The following ATP6V1B1 variants were observed in gnomAD, a reference collection of about 807,000 sequenced individuals.
ATP6V1B1 encodes V-type proton ATPase subunit B, kidney isoform.
ATP6V1B1 carries 41 observed loss-of-function variants against 62.1 expected under a neutral mutation model. That is an observed-to-expected ratio of 0.66 (90% CI 0.51 to 0.86). The LOEUF (loss-of-function observed/expected upper bound fraction) is 0.86. Ranked by LOEUF, ATP6V1B1 falls within the 40% of genes least tolerant of loss-of-function variation. The probability of loss-of-function intolerance (pLI) is 0.00; values close to 1 mark genes in which losing one functional copy is unlikely to be tolerated. For missense variants in ATP6V1B1, 651 were observed against 697.5 expected (o/e 0.93, Z 0.75); for synonymous variants, 253 against 273.4 (o/e 0.93, Z 0.74).
In ATP6V1B1 at chr2:70,964,443, C is replaced by T. The variant is rs782522530; in HGVS notation, c.1149C>T (p.Tyr383=). 2.5e-6 allele frequency: 4 copies of T among 1,613,338 alleles called. No individual in the cohort carries two copies. Among genetic ancestry groups the T allele is most frequent in the East Asian group, 4.5e-5 (2 of 44,856 alleles). Residue 383 remains tyrosine, a synonymous_variant, in exon 12 of 14, where the codon TAC becomes TAT. Coordinates refer to ENST00000234396, the MANE Select transcript of ATP6V1B1 (RefSeq NM_001692.4). ...CCCTTTTTCTTCTCCCTCAGATCTACCCCCCCATCAACGTGCTCCCTTCCC... is the reference window on the plus strand; with the variant it reads ...CCCTTTTTCTTCTCCCTCAGATCTATCCCCCCATCAACGTGCTCCCTTCCC... ...VDRQLHNRQI[Y]PPINVLPSLS...
intron 4 of ATP6V1B1, among the ~76,000 whole-genome samples, 176 bp from the exon 5 acceptor site, chr2:70,958,842 C>T (rs1050961605): frequency 2.0e-5 from 3 of 152,138 alleles, no homozygotes; most frequent in African/African-American, 7.2e-5. Context: ...AAGGAAGACT[C>T]TCACAGGACA....
rs1679843325 is a variant in ATP6V1B1 at position 70,936,061 on chromosome 2, A to AC, written c.112dup (p.Arg38ProfsTer45). The AC allele has an allele frequency of 6.2e-7, 1 of 1,610,394 alleles. No homozygotes were observed. Among genetic ancestry groups the AC allele is most frequent in the South Asian group, 1.1e-5 (1 of 90,956 alleles). On this transcript the variant is annotated frameshift_variant, in exon 1 of 14. Coordinates refer to ENST00000234396, the MANE Select transcript of ATP6V1B1 (RefSeq NM_001692.4). LOFTEE classifies it high-confidence loss of function. ...GCGGTCACCCGAAACTACATCACCC[A>AC]CCCCCGTGTCAGTGAGTAGCCCCTC...
At chr2:70,958,021 C>T (rs781860654) in intron 2 of ATP6V1B1, 25 bp from the exon 3 acceptor site, 32 of 1,604,030 alleles carry the variant, frequency 2.0e-5, no homozygotes, top group Non-Finnish European at 2.5e-5. Flanking sequence ...CTCACTGTCA[C>T]GTGGCTGCTC....
chr2:70,959,930 C>T lies in ATP6V1B1; in HGVS notation c.446-9C>T, dbSNP rs2104827479. On this transcript the variant is annotated splice_polypyrimidine_tract_variant and intron_variant, in intron 5 of 13. Coordinates refer to ENST00000234396, the MANE Select transcript of ATP6V1B1 (RefSeq NM_001692.4). This position sits in a 1 kb window ranked among gnomAD's most constrained non-coding sequence, Gnocchi z 4.2. ...CCCTGAGCATGGCTCTGTGATCGCC[C>T]TCTCCCAGGCCAGCCCATCAACCCG... 6.2e-7 allele frequency: 1 copy of T among 1,614,138 alleles called. No homozygotes were observed. The highest frequency in any genetic ancestry group is 8.5e-7 in the Non-Finnish European group (1 of 1,180,028).
At chr2:70,958,939 T>C (rs1553419540) in intron 4 of ATP6V1B1, 79 bp from the exon 5 acceptor site, 4 of 1,386,584 alleles carry the variant, frequency 2.9e-6, no homozygotes, top group South Asian at 1.2e-5. Context: ...TGGGAGCTGG[T>C]GGTGGTGTGG....
rs183397892 is a variant in ATP6V1B1 at position 70,950,615 on chromosome 2, G to A, written c.174+6902G>A. Among the ~76,000 whole-genome samples, 380 of 151,954 alleles carry A rather than the reference G, an allele frequency of 2.5e-3. 4 individuals are homozygous for A. The highest frequency in any genetic ancestry group is 8.5e-3 in the African/African-American group (351 of 41,472). Reference sequence around the variant, plus strand: ...TACTACTAAAATAGAAAAAAAAGGAGGGGGGGAATGATTTTTAAATATTTA... The same window carrying A: ...TACTACTAAAATAGAAAAAAAAGGAAGGGGGGAATGATTTTTAAATATTTA... On this transcript the variant is annotated intron_variant, in intron 2 of 13. Coordinates refer to ENST00000234396, the MANE Select transcript of ATP6V1B1 (RefSeq NM_001692.4).
At chr2:70,940,575 T>C in intron 1 of ATP6V1B1, 3 of 985,450 alleles carry the variant, frequency 3.0e-6, no homozygotes, top group Non-Finnish European at 3.6e-6. Flanking sequence ...GTTTGGAGTT[T>C]TTTTTAATTG....
At chr2:70,946,561 A>G (rs2239486) in intron 2 of ATP6V1B1, among the ~76,000 whole-genome samples, 27,625 of 152,206 alleles carry the variant, frequency 0.18, 3,011 homozygotes, top group East Asian at 0.48. Flanking sequence ...GAGAACCATC[A>G]ATCTCGGATT....
intron 2 of ATP6V1B1, among the ~76,000 whole-genome samples, chr2:70,952,323 C>G (rs184999967): frequency 6.6e-6 from 1 of 151,870 alleles, no homozygotes. Context: ...ATCAGCCGGG[C>G]GTGATGGCGC....
chr2:70,936,446 C>CAA (rs1679855041), intron 1 of ATP6V1B1, among the ~76,000 whole-genome samples: 1 of 151,992 alleles, frequency 6.6e-6, no homozygotes, highest in Non-Finnish European at 1.5e-5. Context: ...CCCAAGCACT[C>CAA]AGAGTCAGGC....
At chr2:70,946,004 C>T (rs1553417281) in intron 2 of ATP6V1B1, among the ~76,000 whole-genome samples, 1 of 151,876 alleles carries the variant, frequency 6.6e-6, no homozygotes, top group African/African-American at 2.4e-5. Flanking sequence ...CCTACCCTTC[C>T]CCACACACAC....
Position 70,959,177 on chromosome 2 carries a change from AAGC to A in ATP6V1B1, c.445+85_445+87del. The A allele has an allele frequency of 6.8e-7, 1 of 1,472,012 alleles. No individual in the cohort carries two copies. 91.2% of individuals were successfully genotyped at this position (1,472,012 alleles called of 1,614,324 possible). A position where few individuals can be genotyped will look rare whatever the true frequency, so the allele number is the denominator to read the frequency against. On this transcript the variant is annotated intron_variant, in intron 5 of 13. Coordinates refer to ENST00000234396, the MANE Select transcript of ATP6V1B1 (RefSeq NM_001692.4). This position sits in a 1 kb window ranked among gnomAD's most constrained non-coding sequence, Gnocchi z 4.2. ...TCTTGGAAGTTCTGCCCAGACTCAC[AAGC>A]AGATCAGATGTGATGGGAGAGCAGC...
rs782276290 is a variant in ATP6V1B1, at chr2:70,958,154, G to C, written c.273+10G>C. ...CAAGGCGATTGTTCAGGTGAGTGGG[G>C]TCAATGGGACATTGGCTAGTTAAAT... On this transcript the variant is annotated intron_variant, in intron 3 of 13. Coordinates refer to ENST00000234396, the MANE Select transcript of ATP6V1B1 (RefSeq NM_001692.4). 1.9e-6 allele frequency: 3 copies of C among 1,613,366 alleles called. No homozygotes were observed. The highest frequency in any genetic ancestry group is 2.5e-6 in the Non-Finnish European group (3 of 1,179,680).
rs782351237 is a variant in ATP6V1B1 at position 70,935,908 on chromosome 2, C to CACCA, written c.-46_-43dup. 1 of 1,536,196 alleles carries CACCA rather than the reference C, an allele frequency of 6.5e-7. No homozygotes were observed. Among genetic ancestry groups the CACCA allele is most frequent in the Non-Finnish European group, 9.0e-7 (1 of 1,117,292 alleles). On this transcript the variant is annotated 5_prime_UTR_variant, in exon 1 of 14. Coordinates refer to ENST00000234396, the MANE Select transcript of ATP6V1B1 (RefSeq NM_001692.4). ...GCTGGACCTGAAGTCTCAGAGCTGC[C>CACCA]ACCAGCAGCAGGCTCAGACACTGGG...
chr2:70,953,635 C>T (rs1458122981), intron 2 of ATP6V1B1, among the ~76,000 whole-genome samples: 1 of 152,116 alleles, frequency 6.6e-6, no homozygotes, highest in Non-Finnish European at 1.5e-5. Context: ...AGGATTTGTG[C>T]ATCCATGTTC....
rs1680630869 is a variant in ATP6V1B1, at chr2:70,963,149, A to G, written c.910-13A>G. 3 of 1,613,056 alleles carry G rather than the reference A, an allele frequency of 1.9e-6. No homozygotes were observed. The highest frequency in any genetic ancestry group is 1.7e-6 in the Non-Finnish European group (2 of 1,179,744). On this transcript the variant is annotated splice_polypyrimidine_tract_variant and intron_variant, in intron 9 of 13. Coordinates refer to ENST00000234396, the MANE Select transcript of ATP6V1B1 (RefSeq NM_001692.4). This position sits in a 1 kb window ranked among gnomAD's most constrained non-coding sequence, Gnocchi z 4.3. Reference sequence around the variant, plus strand: ...CATCCCCTTTCTTACCCCAGTGCCCATGGATATTGCAGGTCTCTGCTGCTA... The same window carrying G: ...CATCCCCTTTCTTACCCCAGTGCCCGTGGATATTGCAGGTCTCTGCTGCTA...
intron 4 of ATP6V1B1, 27 bp downstream of exon 4, chr2:70,958,453 G>C: frequency 6.3e-7 from 1 of 1,596,008 alleles, no homozygotes; most frequent in Non-Finnish European, 8.6e-7. Context: ...GGCAGGGGTG[G>C]GGGTGCTCCT....
chr2:70,955,646 C>A (rs557065518), intron 2 of ATP6V1B1, among the ~76,000 whole-genome samples: 1 of 152,184 alleles, frequency 6.6e-6, no homozygotes, highest in East Asian at 1.9e-4. Context: ...CATGTTGCGG[C>A]ATCTATCAGT....
At chr2:70,942,971 T>A (rs1680039823) in intron 1 of ATP6V1B1, among the ~76,000 whole-genome samples, 1 of 152,214 alleles carries the variant, frequency 6.6e-6, no homozygotes, top group Non-Finnish European at 1.5e-5. Flanking sequence ...TTTTTTGGCA[T>A]CTAACCCAAT....
Sources: gnomAD v4.1 joint callset for allele counts (sites outside exome capture counted in the v4.1 genomes callset) on GRCh38, gnomAD v4.1.1 for gene constraint, Gnocchi (gnomAD v3.1) non-coding constraint, MANE v1.5 for transcripts, NCBI Gene and HGNC (gene_info 2026-07-23, HGNC 2026-07-21) for gene names.